CNTN6: variants seen among roughly 807,000 people sequenced by gnomAD.
CNTN6 encodes the protein contactin-6.
A neutral mutation model predicts 122.8 loss-of-function variants in CNTN6; 137 were observed. That is an observed-to-expected ratio of 1.12 (90% CI 0.97 to 1.29). CNTN6 has a LOEUF of 1.29. Among genes scored for constraint, CNTN6 ranks in the 50% most tolerant of loss-of-function variants. The pLI is 0.00. For missense variants in CNTN6, 1,634 were observed against 1,223.4 expected (o/e 1.34, Z -5.01); for synonymous variants, 570 against 426.0 (o/e 1.34, Z -4.16).
chr3:1,388,481 CTG>C lies in CNTN6; in HGVS notation c.2704+2685_2704+2686del, dbSNP rs1439377452. 9.2e-5 allele frequency among the ~76,000 whole-genome samples: 14 copies of C among 151,704 alleles called. No individual in the cohort carries two copies. The South Asian group carries it at 1.7e-3, about 18-fold the overall frequency. ...ATGGGGAAAAAACAGAACAGAAAAACTGGAAACTCTAAAACGCAGAGCGCCTC... is the reference window on the plus strand; with the variant it reads ...ATGGGGAAAAAACAGAACAGAAAAACGAAACTCTAAAACGCAGAGCGCCTC... On this transcript the variant is annotated intron_variant, in intron 20 of 22. Transcript: ENST00000446702.
intron 4 of CNTN6, among the ~76,000 whole-genome samples, chr3:1,245,264 TA>T (rs2094555442): frequency 4.1e-4 from 2 of 4,834 alleles, no homozygotes; most frequent in African/African-American, 6.5e-4. Context: ...ATAACATATA[TA>T]TATATATATA....
At position 1,378,193 on chromosome 3, in the gene CNTN6, T is replaced by G. The variant is rs145193968; in HGVS notation, c.2166+1118T>G. On this transcript the variant is annotated intron_variant, in intron 17 of 22. Transcript: ENST00000446702. ...CTCAGCAGACACATACCCTGCTCCA[T>G]GTTTAGCGGAAGTGCAATGCATACC... Among the ~76,000 whole-genome samples, 262 of 152,272 alleles carry G rather than the reference T, an allele frequency of 1.7e-3. 1 individual carries two copies. The highest frequency in any genetic ancestry group is 6.0e-3 in the African/African-American group (249 of 41,576).
intron 4 of CNTN6, among the ~76,000 whole-genome samples, chr3:1,246,109 C>A (rs752800352): frequency 7.2e-5 from 11 of 152,012 alleles, no homozygotes; most frequent in Admixed American, 1.3e-4. Flanking sequence ...AAAACATGAG[C>A]AGATAGATCA....
intron 2 of CNTN6, among the ~76,000 whole-genome samples, chr3:1,168,643 C>T (rs947959226): frequency 6.6e-6 from 1 of 151,814 alleles, no homozygotes; most frequent in African/African-American, 2.4e-5. Context: ...TTACAGATCC[C>T]AGGTCTGGGA....
chr3:1,309,716 T>A (rs982585951), intron 7 of CNTN6, among the ~76,000 whole-genome samples: 22 of 152,186 alleles, frequency 1.4e-4, no homozygotes, highest in Non-Finnish European at 2.4e-4. Flanking sequence ...ATTGATCAAG[T>A]TGGGAAGACT....
intron 20 of CNTN6, among the ~76,000 whole-genome samples, chr3:1,393,659 AAAC>A (rs1328835441): frequency 6.6e-6 from 1 of 152,170 alleles, no homozygotes; most frequent in East Asian, 1.9e-4. Context: ...TTAAAAAAAA[AAAC>A]ACATTGTATC....
intron 12 of CNTN6, among the ~76,000 whole-genome samples, chr3:1,357,942 G>A (rs1219717867): frequency 6.0e-5 from 9 of 150,994 alleles, no homozygotes; most frequent in African/African-American, 1.5e-4. Context: ...TTTGAAAATG[G>A]CATTTGTAAC....
At chr3:1,102,529 G>C (rs779340274) in intron 1 of CNTN6, among the ~76,000 whole-genome samples, 5 of 151,704 alleles carry the variant, frequency 3.3e-5, no homozygotes, top group Admixed American at 6.6e-5. Context: ...AGGAGATCGA[G>C]ACCATCCTGG....
intron 2 of CNTN6, among the ~76,000 whole-genome samples, chr3:1,217,277 G>A (rs1007812722): frequency 3.3e-5 from 5 of 152,166 alleles, no homozygotes; most frequent in Non-Finnish European, 1.5e-5. Context: ...GGTTGGTATA[G>A]AAGGAAATGA....
intron 21 of CNTN6, 48 bp from the exon 22 acceptor site, chr3:1,402,270 T>C (rs774832219): frequency 2.4e-5 from 37 of 1,518,598 alleles, no homozygotes; most frequent in Non-Finnish European, 3.2e-5. Flanking sequence ...TGTGTGAACC[T>C]TAGAAAAGCA....
intron 2 of CNTN6, among the ~76,000 whole-genome samples, chr3:1,169,833 A>G (rs942479944): frequency 2.6e-5 from 4 of 152,210 alleles, no homozygotes; most frequent in African/African-American, 9.6e-5. Context: ...ATCACCAAAA[A>G]TTCTGACTTT....
chr3:1,329,125 G>A (rs745820562), intron 10 of CNTN6, among the ~76,000 whole-genome samples: 1 of 150,740 alleles, frequency 6.6e-6, no homozygotes, highest in Non-Finnish European at 1.5e-5. Context: ...ATGTGTGTGT[G>A]TTTCTTCAAC....
chr3:1,238,335 C>G (rs2094445409), intron 4 of CNTN6, among the ~76,000 whole-genome samples: 1 of 151,974 alleles, frequency 6.6e-6, no homozygotes, highest in Non-Finnish European at 1.5e-5. Flanking sequence ...GCAGTTTAAA[C>G]AAACAAAGAG....
intron 1 of CNTN6, among the ~76,000 whole-genome samples, chr3:1,118,010 A>T (rs13069364): frequency 6.6e-6 from 1 of 151,996 alleles, no homozygotes; most frequent in African/African-American, 2.4e-5. Context: ...CACTTCCCAA[A>T]TAAGCCCTTG....
At chr3:1,099,416 A>T (rs188812309) in intron 1 of CNTN6, among the ~76,000 whole-genome samples, 1 of 152,086 alleles carries the variant, frequency 6.6e-6, no homozygotes, top group Non-Finnish European at 1.5e-5. Flanking sequence ...GAGCCATTAC[A>T]CTCCAGCCTG....
At chr3:1,230,441 T>C (rs551813369) in intron 4 of CNTN6, among the ~76,000 whole-genome samples, 43 of 152,322 alleles carry the variant, frequency 2.8e-4, no homozygotes, top group Non-Finnish European at 5.0e-4. Context: ...TTCACTATTA[T>C]TACCTATCTC....
chr3:1,282,612 A>T (rs781155018), intron 5 of CNTN6, among the ~76,000 whole-genome samples: 4 of 152,174 alleles, frequency 2.6e-5, no homozygotes, highest in Non-Finnish European at 5.9e-5. Flanking sequence ...TATTTCCGAG[A>T]AATGTAGGTT....
intron 5 of CNTN6, among the ~76,000 whole-genome samples, chr3:1,291,616 T>G (rs1695341687): frequency 6.6e-6 from 1 of 152,192 alleles, no homozygotes. Flanking sequence ...GTTCAAAAGA[T>G]GAGGAGTCAA....
Position 1,297,879 on chromosome 3 carries a change from T to C in CNTN6, c.659-10T>C, listed in dbSNP as rs1288371486. The C allele has an allele frequency of 6.3e-7, 1 of 1,598,548 alleles. No individual in the cohort carries two copies. The highest frequency in any genetic ancestry group is 1.7e-5 in the Admixed American group (1 of 58,384). On this transcript the variant is annotated splice_polypyrimidine_tract_variant and intron_variant, in intron 6 of 22. Coordinates refer to ENST00000446702, the MANE Select transcript of CNTN6 (RefSeq NM_001289080.2). ...CCAGAAATGCTGCTAGCTCTTTTGA[T>C]ATTTAACAGGTGTGATGGGGGAATA...
Sources: allele counts gnomAD v4.1 joint callset (sites outside exome capture counted in the v4.1 genomes callset), GRCh38; gene constraint gnomAD v4.1.1; transcripts MANE v1.5; gene names NCBI Gene and HGNC (gene_info 2026-07-23, HGNC 2026-07-21).